The following CYP39A1 variants were observed in gnomAD, a reference collection of about 807,000 sequenced individuals.
CYP39A1 encodes cytochrome P450 family 39 subfamily A member 1.
A neutral mutation model predicts 58.1 loss-of-function variants in CYP39A1; 49 were observed. The ratio of observed to expected loss-of-function variants is 0.84; its 90% CI spans 0.67 to 1.07. The LOEUF (loss-of-function observed/expected upper bound fraction) is 1.07, where lower values mean the gene tolerates loss of function less well. Ranked by LOEUF, CYP39A1 falls within the 50% of genes least tolerant of loss-of-function variation. CYP39A1 has a pLI of 0.00. For synonymous variants in CYP39A1, 209 were observed against 187.6 expected (o/e 1.11, Z -0.93); for missense variants, 531 against 539.4 (o/e 0.98, Z 0.16).
intron 10 of CYP39A1, among the ~76,000 whole-genome samples, chr6:46,562,294 A>G (rs1403173373): frequency 6.6e-6 from 1 of 151,738 alleles, no homozygotes; most frequent in Non-Finnish European, 1.5e-5. Flanking sequence ...AAGTGCTGGG[A>G]TTATAGGCAT....
At chr6:46,609,197 C>T (rs1198201661) in intron 7 of CYP39A1, among the ~76,000 whole-genome samples, 1 of 151,578 alleles carries the variant, frequency 6.6e-6, no homozygotes, top group South Asian at 2.1e-4. Flanking sequence ...GTCAGAAGAT[C>T]GAGACCATCC....
chr6:46,587,414 C>T lies in CYP39A1; in HGVS notation c.1162-249G>A, dbSNP rs540680754. Among the ~76,000 whole-genome samples the T allele has an allele frequency of 1.2e-4, 18 of 152,200 alleles. No individual in the cohort carries two copies. The East Asian group carries it at 3.3e-3, about 28-fold the overall frequency. On this transcript the variant is annotated intron_variant, in intron 9 of 11. Coordinates refer to ENST00000275016, the MANE Select transcript of CYP39A1 (RefSeq NM_016593.5). ...TGTAAATGATAAGGTAAATCAACCA[C>T]AGAATTGACCTAAGAAGAGGAAGAA...
At chr6:46,650,484 CTT>C (rs567314746) in intron 1 of CYP39A1, among the ~76,000 whole-genome samples, 441 of 35,084 alleles carry the variant, frequency 0.013, no homozygotes, top group Middle Eastern at 0.033. Flanking sequence ...CAGTCATATT[CTT>C]TTTTTTTTTT....
intron 7 of CYP39A1, among the ~76,000 whole-genome samples, chr6:46,605,496 T>C (rs923163029): frequency 6.6e-6 from 1 of 152,206 alleles, no homozygotes; most frequent in African/African-American, 2.4e-5. Flanking sequence ...AACATTAACT[T>C]AACACTTTGG....
At chr6:46,617,003 T>C (rs1022314429) in intron 7 of CYP39A1, among the ~76,000 whole-genome samples, 2 of 152,076 alleles carry the variant, frequency 1.3e-5, no homozygotes, top group African/African-American at 4.8e-5. Context: ...GGTTGGGATC[T>C]ACATGTCCAG....
At chr6:46,586,819 G>T (rs1250212427) in intron 10 of CYP39A1, among the ~76,000 whole-genome samples, 1 of 152,064 alleles carries the variant, frequency 6.6e-6, no homozygotes, top group Non-Finnish European at 1.5e-5. Context: ...CTGACAATTT[G>T]AACCATAAAC....
chr6:46,612,162 G>GA (rs1774256669), intron 7 of CYP39A1, among the ~76,000 whole-genome samples: 1 of 152,126 alleles, frequency 6.6e-6, no homozygotes, highest in Admixed American at 6.5e-5. Flanking sequence ...GCTAAGCAAT[G>GA]AAAAAGGAGA....
chr6:46,629,516 G>A (rs1775522341), intron 6 of CYP39A1, among the ~76,000 whole-genome samples: 1 of 152,194 alleles, frequency 6.6e-6, no homozygotes, highest in Non-Finnish European at 1.5e-5. Flanking sequence ...CAGATGAAAT[G>A]TATATTCCAC....
intron 7 of CYP39A1, among the ~76,000 whole-genome samples, chr6:46,598,331 G>A (rs564176855): frequency 9.9e-4 from 150 of 152,198 alleles, no homozygotes; most frequent in African/African-American, 3.4e-3. Context: ...TTAGGATACA[G>A]ATTATTTCCA....
intron 1 of CYP39A1, among the ~76,000 whole-genome samples, chr6:46,650,378 T>G (rs965344369): frequency 1.8e-4 from 9 of 50,004 alleles, no homozygotes; most frequent in African/African-American, 1.3e-3. Flanking sequence ...GTGGGAGCAC[T>G]CTGGCTTTTT....
At chr6:46,650,970 T>C (rs369859176) in intron 1 of CYP39A1, among the ~76,000 whole-genome samples, 7 of 152,212 alleles carry the variant, frequency 4.6e-5, no homozygotes, top group African/African-American at 1.2e-4. Context: ...TTAGGAGATA[T>C]AATGTTTCAT....
chr6:46,634,437 A>G (rs1775840358), intron 5 of CYP39A1, among the ~76,000 whole-genome samples: 1 of 152,196 alleles, frequency 6.6e-6, no homozygotes, highest in African/African-American at 2.4e-5. Context: ...CCTATGATTA[A>G]AAATACCTCA....
chr6:46,571,529 C>A (rs1582311578), intron 10 of CYP39A1, among the ~76,000 whole-genome samples: 1 of 151,998 alleles, frequency 6.6e-6, no homozygotes, highest in East Asian at 1.9e-4. Context: ...TTTGTCTAAT[C>A]AGAGCTAACT....
At chr6:46,594,906 C>T (rs1462937516) in intron 8 of CYP39A1, among the ~76,000 whole-genome samples, 1 of 151,762 alleles carries the variant, frequency 6.6e-6, no homozygotes, top group Non-Finnish European at 1.5e-5. Context: ...GCAGGCCATA[C>T]ATCTGACAAG....
Position 46,636,242 on chromosome 6 carries a change from T to C in CYP39A1, c.732+147A>G. The C allele has an allele frequency of 8.8e-6, 5 of 569,912 alleles. No homozygotes were observed. The South Asian group carries it at 9.5e-5, about 11-fold the overall frequency. The allele number at this position is 569,912 out of a possible 1,614,324, so 35.3% of individuals were successfully genotyped here. A position where few individuals can be genotyped will look rare whatever the true frequency, so the allele number is the denominator to read the frequency against. On this transcript the variant is annotated intron_variant, in intron 5 of 11. Transcript: ENST00000275016. Reference sequence around the variant, plus strand: ...ATAGGTTGTTGTGATGATGTAACAGTGAAATAATGTATCTCAACATGTCCA... The same window carrying C: ...ATAGGTTGTTGTGATGATGTAACAGCGAAATAATGTATCTCAACATGTCCA...
chr6:46,551,466 T>C (rs1180641686), intron 11 of CYP39A1, among the ~76,000 whole-genome samples: 3 of 152,132 alleles, frequency 2.0e-5, no homozygotes, highest in African/African-American at 7.2e-5. Context: ...GACTTTTCCT[T>C]AATGCTCAAA....
chr6:46,630,753 G>A (rs1218786313), intron 6 of CYP39A1, among the ~76,000 whole-genome samples: 1 of 152,190 alleles, frequency 6.6e-6, no homozygotes, highest in Non-Finnish European at 1.5e-5. Context: ...GACAGAATTT[G>A]CTTGAGATCT....
chr6:46,558,399 G>C (rs968676799), intron 10 of CYP39A1, among the ~76,000 whole-genome samples: 2 of 152,112 alleles, frequency 1.3e-5, no homozygotes, highest in African/African-American at 4.8e-5. Context: ...GAGAGAAAGC[G>C]AGCAAAGGGG....
chr6:46,648,256 C>G (rs1762449945), intron 1 of CYP39A1, among the ~76,000 whole-genome samples: 1 of 151,994 alleles, frequency 6.6e-6, no homozygotes, highest in Non-Finnish European at 1.5e-5. Flanking sequence ...AGACTTGGAA[C>G]TAACCCAAAT....
Sources: gnomAD v4.1 joint callset for allele counts (sites outside exome capture counted in the v4.1 genomes callset) on GRCh38, gnomAD v4.1.1 for gene constraint, MANE v1.5 for transcripts, NCBI Gene and HGNC (gene_info 2026-07-23, HGNC 2026-07-21) for gene names.